Variants in PTPRM observed in about 807,000 individuals in gnomAD.
The protein encoded by PTPRM is protein tyrosine phosphatase receptor type M.
In PTPRM, 47 loss-of-function variants were observed where a neutral mutation model predicts 186.7. The observed-to-expected ratio is 0.25, with a 90% CI of 0.20 to 0.32. The LOEUF is 0.32. Among genes scored for constraint, PTPRM ranks in the 10% least tolerant of loss-of-function variants. The pLI is 1.00. For synonymous variants in PTPRM, 668 were observed against 674.9 expected, an observed-to-expected ratio of 0.99 and a Z score of 0.16; for missense variants, 1,494 against 1,865.0, an observed-to-expected ratio of 0.80 and a Z score of 3.66.
At chr18:7,904,760 T>G (rs980054836) in intron 3 of PTPRM, among the ~76,000 whole-genome samples, 3 of 152,186 alleles carry the variant, frequency 2.0e-5, no homozygotes, top group Non-Finnish European at 4.4e-5. Context: ...AAAGTTTACA[T>G]TTCTGTGGGA....
intron 14 of PTPRM, among the ~76,000 whole-genome samples, chr18:8,153,033 G>C (rs915762068): frequency 6.6e-6 from 1 of 151,980 alleles, no homozygotes; most frequent in Non-Finnish European, 1.5e-5. Flanking sequence ...GATGTTCTTC[G>C]TCCATTCCCC....
chr18:8,280,921 T>A (rs8099166), intron 19 of PTPRM, among the ~76,000 whole-genome samples: 1,949 of 152,208 alleles, frequency 0.013, 44 homozygotes, highest in African/African-American at 0.045. Flanking sequence ...CCAGTAAAAA[T>A]AACATTAAAT....
At chr18:7,945,621 A>G (rs2052471492) in intron 5 of PTPRM, among the ~76,000 whole-genome samples, 1 of 152,210 alleles carries the variant, frequency 6.6e-6, no homozygotes, top group Non-Finnish European at 1.5e-5. Flanking sequence ...CAGAAAACAG[A>G]CTAAGACATC....
intron 32 of PTPRM, chr18:8,399,803 G>T (rs1367581191): frequency 6.6e-6 from 1 of 152,182 alleles, no homozygotes; most frequent in Non-Finnish European, 1.5e-5. Flanking sequence ...CACCAGCGGG[G>T]CTCTCAGGGT....
At chr18:7,875,775 A>ATGTGTGT (rs1213151783) in intron 2 of PTPRM, among the ~76,000 whole-genome samples, 1 of 152,204 alleles carries the variant, frequency 6.6e-6, no homozygotes, top group Non-Finnish European at 1.5e-5. Flanking sequence ...ATATACCTGT[A>ATGTGTGT]ATAAAGTCAT....
chr18:8,096,591 A>G (rs907245098), intron 11 of PTPRM, among the ~76,000 whole-genome samples: 1 of 152,242 alleles, frequency 6.6e-6, no homozygotes, highest in African/African-American at 2.4e-5. Flanking sequence ...AATAGTTTCA[A>G]TTATAAACTC....
intron 2 of PTPRM, among the ~76,000 whole-genome samples, chr18:7,851,833 G>T (rs978427910): frequency 3.3e-5 from 5 of 152,072 alleles, no homozygotes; most frequent in African/African-American, 1.2e-4. Context: ...AGTAATAATG[G>T]TTTTTTGGGT....
intron 7 of PTPRM, among the ~76,000 whole-genome samples, chr18:8,007,505 C>T (rs564753014): frequency 2.6e-5 from 4 of 152,118 alleles, no homozygotes; most frequent in Non-Finnish European, 5.9e-5. Flanking sequence ...AATAGTTTAT[C>T]TCTTTTTCAA....
chr18:8,220,299 A>G (rs2094139933), intron 14 of PTPRM, among the ~76,000 whole-genome samples: 1 of 152,220 alleles, frequency 6.6e-6, no homozygotes, highest in South Asian at 2.1e-4. Context: ...TGTCCTTCAA[A>G]CTGTGTACCA....
intron 5 of PTPRM, among the ~76,000 whole-genome samples, chr18:7,929,970 G>C (rs2051384729): frequency 6.6e-6 from 1 of 152,134 alleles, no homozygotes; most frequent in African/African-American, 2.4e-5. Context: ...CTTATTTTTA[G>C]TTTTTTCTGT....
At chr18:8,231,536 C>T (rs148216633) in intron 14 of PTPRM, among the ~76,000 whole-genome samples, 1 of 152,206 alleles carries the variant, frequency 6.6e-6, no homozygotes. Flanking sequence ...TCATACCCAT[C>T]ATAAACATAA....
chr18:7,928,251 A>T (rs1282976655), intron 5 of PTPRM, among the ~76,000 whole-genome samples: 1 of 152,098 alleles, frequency 6.6e-6, no homozygotes. Context: ...GCTGGCCAGG[A>T]AGTGTATGCA....
chr18:7,635,683 T>C (rs7232258), intron 1 of PTPRM, among the ~76,000 whole-genome samples: 46,748 of 152,132 alleles, frequency 0.31, 11,494 homozygotes, highest in African/African-American at 0.68. Context: ...TTTGCTCATA[T>C]TGAGCCCAAA....
chr18:7,955,944 C>T (rs541293753), intron 7 of PTPRM, among the ~76,000 whole-genome samples: 2 of 152,236 alleles, frequency 1.3e-5, no homozygotes, highest in South Asian at 4.1e-4. Flanking sequence ...TGGGTGCAGT[C>T]TTTAGTTTCT....
At chr18:7,634,349 A>G (rs1459271316) in intron 1 of PTPRM, among the ~76,000 whole-genome samples, 1 of 151,970 alleles carries the variant, frequency 6.6e-6, no homozygotes, top group Non-Finnish European at 1.5e-5. Context: ...GCTCTTTATC[A>G]TAGTATTTGG....
At chr18:8,004,782 G>A (rs2084078506) in intron 7 of PTPRM, among the ~76,000 whole-genome samples, 1 of 152,142 alleles carries the variant, frequency 6.6e-6, no homozygotes, top group Non-Finnish European at 1.5e-5. Flanking sequence ...GGGCCCTGTG[G>A]CTCGTGCCAC....
At chr18:8,243,944 G>C in intron 14 of PTPRM, 114 bp from the exon 15 acceptor site, 1 of 1,076,980 alleles carries the variant, frequency 9.3e-7, no homozygotes, top group Non-Finnish European at 1.3e-6. Context: ...ATCCATCTCT[G>C]AATGAATAGG....
intron 1 of PTPRM, among the ~76,000 whole-genome samples, chr18:7,689,978 A>G (rs1340258875): frequency 2.0e-5 from 3 of 152,216 alleles, no homozygotes; most frequent in Non-Finnish European, 4.4e-5. Flanking sequence ...TTTATACTGT[A>G]TAAAGAGACT....
rs117142165 is a variant in PTPRM at position 7,619,001 on chromosome 18, C to G, written c.73+51110C>G. Among the ~76,000 whole-genome samples the G allele has an allele frequency of 3.9e-3, 593 of 152,010 alleles. 3 individuals are homozygous for G. The highest frequency in any genetic ancestry group is 6.5e-3 in the Non-Finnish European group (444 of 67,970). ...GTTGCTTTCAAGCATGAAACAGTCC[C>G]CGGGCTCTCGGAGGATTTACTTAGC... On this transcript the variant is annotated intron_variant, in intron 1 of 32. Coordinates refer to ENST00000580170, the MANE Select transcript of PTPRM (RefSeq NM_001105244.2).
Sources: allele counts gnomAD v4.1 joint callset (sites outside exome capture counted in the v4.1 genomes callset), GRCh38; gene constraint gnomAD v4.1.1; transcripts MANE v1.5; gene names NCBI Gene and HGNC (gene_info 2026-07-23, HGNC 2026-07-21).